The following ARHGEF26 variants were observed in gnomAD, a reference collection of about 807,000 sequenced individuals.
The protein encoded by ARHGEF26 is Rho guanine nucleotide exchange factor (GEF) 26.
In ARHGEF26, 59 loss-of-function variants were observed where a neutral mutation model predicts 89.4. The observed-to-expected ratio is 0.66, with a 90% CI of 0.54 to 0.82. The LOEUF is 0.82. Ranked by LOEUF, ARHGEF26 falls within the 40% of genes least tolerant of loss-of-function variation. ARHGEF26 has a pLI of 0.00. For missense variants in ARHGEF26, 1,234 were observed against 1,085.6 expected, an observed-to-expected ratio of 1.14 and a Z score of -1.92; for synonymous variants, 500 against 428.4, an observed-to-expected ratio of 1.17 and a Z score of -2.06.
rs767405618 is a variant in ARHGEF26, at chr3:154,134,064, G to GT, written c.1269+4353dup. On this transcript the variant is annotated intron_variant, in intron 4 of 14. Coordinates refer to ENST00000465093, the MANE Select transcript of ARHGEF26 (RefSeq NM_015595.4). Reference sequence around the variant, plus strand: ...TTTCGTATCCTGAGACTTTGCTGAAGTTTTTTTTATCAGCTTAAGAAGCTT... The same window carrying GT: ...TTTCGTATCCTGAGACTTTGCTGAAGTTTTTTTTTATCAGCTTAAGAAGCTT... Among the ~76,000 whole-genome samples, 16 of 152,194 alleles carry GT rather than the reference G, an allele frequency of 1.1e-4. No individual in the cohort carries two copies. The East Asian group carries it at 1.2e-3, about 11-fold the overall frequency.
intron 12 of ARHGEF26, among the ~76,000 whole-genome samples, chr3:154,252,409 G>A (rs954853620): frequency 6.6e-6 from 1 of 152,122 alleles, no homozygotes; most frequent in Non-Finnish European, 1.5e-5. Context: ...TTAATACTTG[G>A]TGCTCAAAAT....
At position 154,255,827 on chromosome 3, in the gene ARHGEF26, G is replaced by A. The variant is rs1282209624; in HGVS notation, c.*354G>A. ...GTTTTCTCTATCCTTGCATTACTAA[G>A]GTGACTGTCTCTCTTTATACATCCT... On this transcript the variant is annotated 3_prime_UTR_variant, in exon 15 of 15. Transcript: ENST00000465093. 1 of 1,038,996 alleles carries A rather than the reference G, an allele frequency of 9.6e-7. No individual in the cohort carries two copies. Among genetic ancestry groups the A allele is most frequent in the Non-Finnish European group, 1.2e-6 (1 of 864,486 alleles). The allele number at this position is 1,038,996 out of a possible 1,614,324, so 64.4% of individuals were successfully genotyped here. A position where few individuals can be genotyped will look rare whatever the true frequency, so the allele number is the denominator to read the frequency against.
intron 6 of ARHGEF26, among the ~76,000 whole-genome samples, chr3:154,159,776 C>T (rs1397771055): frequency 6.6e-6 from 1 of 151,970 alleles, no homozygotes; most frequent in African/African-American, 2.4e-5. Flanking sequence ...AGTAAACCTT[C>T]AAAAGTCTTT....
At chr3:154,185,666 C>G (rs1246240965) in intron 6 of ARHGEF26, among the ~76,000 whole-genome samples, 1 of 152,176 alleles carries the variant, frequency 6.6e-6, no homozygotes, top group Non-Finnish European at 1.5e-5. Context: ...GGCTCCATTA[C>G]ATAGGCACTA....
chr3:154,240,187 G>A (rs991081371), intron 11 of ARHGEF26, among the ~76,000 whole-genome samples, 183 bp from the exon 12 acceptor site: 10 of 152,062 alleles, frequency 6.6e-5, no homozygotes, highest in African/African-American at 2.4e-4. Context: ...AATTGGAGGG[G>A]GTTACATTGA....
intron 6 of ARHGEF26, among the ~76,000 whole-genome samples, chr3:154,175,043 A>G (rs1303727592): frequency 1.3e-5 from 2 of 152,202 alleles, no homozygotes; most frequent in Admixed American, 6.5e-5. Flanking sequence ...GGTCTCCTGT[A>G]TATACTGCTT....
chr3:154,139,581 T>C (rs561186906), intron 4 of ARHGEF26, among the ~76,000 whole-genome samples: 1 of 152,326 alleles, frequency 6.6e-6, no homozygotes, highest in Non-Finnish European at 1.5e-5. Context: ...ATTTGCCCTG[T>C]TGAGCTTAAT....
At chr3:154,243,883 C>G (rs1039860973) in intron 12 of ARHGEF26, among the ~76,000 whole-genome samples, 1 of 152,092 alleles carries the variant, frequency 6.6e-6, no homozygotes, top group African/African-American at 2.4e-5. Flanking sequence ...ATTAAAAAAC[C>G]TGGCAAATTG....
At chr3:154,155,621 A>G (rs1368945676) in intron 6 of ARHGEF26, among the ~76,000 whole-genome samples, 1 of 152,022 alleles carries the variant, frequency 6.6e-6, no homozygotes, top group Non-Finnish European at 1.5e-5. Context: ...TTATTTAGTT[A>G]TTATTTTAGT....
intron 10 of ARHGEF26, among the ~76,000 whole-genome samples, chr3:154,225,198 T>C (rs1449874639): frequency 3.3e-5 from 5 of 152,174 alleles, no homozygotes; most frequent in African/African-American, 1.2e-4. Flanking sequence ...ATTATAATGA[T>C]TATGATGGAT....
Position 154,240,401 on chromosome 3 carries a change from T to C in ARHGEF26, c.2122T>C (p.Leu708=). ...AAGTTACAACGTCAATGATTATTCC[T>C]TAAGAGATCAGCTATTGGTGGAATC... ...EESYNVNDYS[L]RDQLLVESCD... The change falls in exon 12 of 15, where the codon TTA becomes CTA. Residue 708 remains leucine (L), a synonymous_variant. Transcript: ENST00000465093. 6.2e-7 allele frequency: 1 copy of C among 1,613,408 alleles called. No homozygotes were observed. Among genetic ancestry groups the C allele is most frequent in the Non-Finnish European group, 8.5e-7 (1 of 1,179,614 alleles).
chr3:154,220,962 A>G (rs548343535), intron 10 of ARHGEF26, among the ~76,000 whole-genome samples: 4 of 152,204 alleles, frequency 2.6e-5, no homozygotes, highest in Non-Finnish European at 4.4e-5. Context: ...AATCAAAATG[A>G]TAAGAGAAGA....
chr3:154,220,345 G>A lies in ARHGEF26; in HGVS notation c.1935+2387G>A, dbSNP rs556631142. On this transcript the variant is annotated intron_variant, in intron 10 of 14. Coordinates refer to ENST00000465093, the MANE Select transcript of ARHGEF26 (RefSeq NM_015595.4). The stretch of plus-strand genomic sequence containing the variant: ...ATCAAAGGAGTCAGCAAAGTCTACA[G>A]CTGTCACAGTAGCTAGAAGACTATG... Among the ~76,000 whole-genome samples the A allele has an allele frequency of 2.0e-5, 3 of 152,328 alleles. No homozygotes were observed. The East Asian group carries it at 5.8e-4, about 29-fold the overall frequency.
intron 4 of ARHGEF26, among the ~76,000 whole-genome samples, chr3:154,141,651 A>G (rs1249266975): frequency 1.3e-5 from 2 of 152,212 alleles, no homozygotes; most frequent in African/African-American, 2.4e-5. Flanking sequence ...TTAACATGAT[A>G]AGAAATATGT....
chr3:154,148,389 G>A (rs559682067), intron 4 of ARHGEF26, among the ~76,000 whole-genome samples: 170 of 152,270 alleles, frequency 1.1e-3, no homozygotes, highest in African/African-American at 3.8e-3. Flanking sequence ...TTATAATTCT[G>A]TATATTAATA....
At chr3:154,173,421 T>A (rs935119475) in intron 6 of ARHGEF26, among the ~76,000 whole-genome samples, 1 of 152,192 alleles carries the variant, frequency 6.6e-6, no homozygotes, top group Non-Finnish European at 1.5e-5. Context: ...TTTCCTTTAC[T>A]CCTGTAATTG....
chr3:154,235,713 CAG>C (rs1007467313), intron 11 of ARHGEF26, among the ~76,000 whole-genome samples: 9 of 152,252 alleles, frequency 5.9e-5, no homozygotes, highest in African/African-American at 2.2e-4. Context: ...CCATACTTAA[CAG>C]ATACTTTTTG....
Position 154,256,691 on chromosome 3 carries a change from T to A in ARHGEF26, c.*1218T>A, listed in dbSNP as rs1718534115. Reference sequence around the variant, plus strand: ...AGAAATTAGCTGGAACACACTACAGTAATCTCAAGGAAGGGAAAATTAGGC... The same window carrying A: ...AGAAATTAGCTGGAACACACTACAGAAATCTCAAGGAAGGGAAAATTAGGC... On this transcript the variant is annotated 3_prime_UTR_variant, in exon 15 of 15. Transcript: ENST00000465093. 7.7e-7 allele frequency: 1 copy of A among 1,297,302 alleles called. No homozygotes were observed. The allele number at this position is 1,297,302 out of a possible 1,614,324, so 80.4% of individuals were successfully genotyped here.
chr3:154,146,312 A>G (rs957367117), intron 4 of ARHGEF26, among the ~76,000 whole-genome samples: 8 of 152,232 alleles, frequency 5.3e-5, no homozygotes, highest in African/African-American at 1.9e-4. Flanking sequence ...TCCACCTCCT[A>G]ATACCATCAC....
Sources: allele counts gnomAD v4.1 joint callset (sites outside exome capture counted in the v4.1 genomes callset), GRCh38; gene constraint gnomAD v4.1.1; transcripts MANE v1.5; gene names NCBI Gene and HGNC (gene_info 2026-07-23, HGNC 2026-07-21).